The following CBLB variants were observed in gnomAD, a reference collection of about 807,000 sequenced individuals.
The protein encoded by CBLB is Cbl proto-oncogene B, also known as E3 ubiquitin-protein ligase CBL-B.
In CBLB, 31 loss-of-function variants were observed where a neutral mutation model predicts 104.9. The observed-to-expected ratio is 0.30, with a 90% CI of 0.22 to 0.40. The LOEUF (loss-of-function observed/expected upper bound fraction) is 0.40. Ranked by LOEUF, CBLB falls within the 10% of genes least tolerant of loss-of-function variation. CBLB has a pLI of 1.00. For synonymous variants in CBLB, 440 were observed against 422.6 expected (o/e 1.04, Z -0.51); for missense variants, 1,062 against 1,214.6 (o/e 0.87, Z 1.87).
chr3:105,672,638 C>A (rs1381896143), intron 17 of CBLB: 1 of 152,516 alleles, frequency 6.6e-6, no homozygotes, highest in Non-Finnish European at 1.5e-5. Flanking sequence ...ATGATCACAG[C>A]CAATTTATCA....
chr3:105,834,745 A>C (rs1417763244), intron 3 of CBLB, among the ~76,000 whole-genome samples: 1 of 152,184 alleles, frequency 6.6e-6, no homozygotes, highest in Non-Finnish European at 1.5e-5. Flanking sequence ...AAATGAACTC[A>C]AGTATTCAGA....
At chr3:105,674,465 A>G (rs1266574625) in intron 17 of CBLB, among the ~76,000 whole-genome samples, 1 of 152,270 alleles carries the variant, frequency 6.6e-6, no homozygotes, top group Non-Finnish European at 1.5e-5. Context: ...AGATTAGATA[A>G]GATCTTCAAG....
chr3:105,792,531 G>A (rs1467526354), intron 3 of CBLB, among the ~76,000 whole-genome samples: 1 of 152,294 alleles, frequency 6.6e-6, no homozygotes, highest in East Asian at 1.9e-4. Flanking sequence ...CTGGGACAGC[G>A]TGTACTTTTC....
intron 18 of CBLB, among the ~76,000 whole-genome samples, chr3:105,660,428 G>A (rs1370774780): frequency 6.6e-6 from 1 of 151,786 alleles, no homozygotes; most frequent in Admixed American, 6.6e-5. Flanking sequence ...CTGACCTCAA[G>A]TGATCCACCC....
At chr3:105,752,516 T>C (rs982901105) in intron 4 of CBLB, among the ~76,000 whole-genome samples, 4 of 152,178 alleles carry the variant, frequency 2.6e-5, no homozygotes, top group African/African-American at 4.8e-5. Flanking sequence ...AAACTACAAT[T>C]TTTACAACAG....
chr3:105,743,937 G>C (rs893528230), intron 6 of CBLB, among the ~76,000 whole-genome samples: 2 of 151,904 alleles, frequency 1.3e-5, no homozygotes, highest in Non-Finnish European at 2.9e-5. Context: ...AAGTTAGGAA[G>C]GAAAGAAGGA....
chr3:105,792,713 A>G (rs2081820887), intron 3 of CBLB, among the ~76,000 whole-genome samples: 1 of 152,170 alleles, frequency 6.6e-6, no homozygotes, highest in Admixed American at 6.5e-5. Context: ...AAGAAATGGA[A>G]GAGGACCAGG....
At chr3:105,728,862 G>C (rs1004075015) in intron 9 of CBLB, among the ~76,000 whole-genome samples, 1 of 152,116 alleles carries the variant, frequency 6.6e-6, no homozygotes, top group Non-Finnish European at 1.5e-5. Context: ...CAATTAAAGA[G>C]TAACCACTTG....
chr3:105,726,214 T>G (rs1215176310), intron 9 of CBLB, among the ~76,000 whole-genome samples: 2 of 152,176 alleles, frequency 1.3e-5, no homozygotes, highest in Non-Finnish European at 2.9e-5. Context: ...CTCAGACAAC[T>G]ATATACATTT....
At chr3:105,695,666 T>C (rs1183965090) in intron 12 of CBLB, among the ~76,000 whole-genome samples, 1 of 151,872 alleles carries the variant, frequency 6.6e-6, no homozygotes, top group Non-Finnish European at 1.5e-5. Context: ...ATACCATTTG[T>C]TACTGATGTA....
In CBLB at chr3:105,678,585, A is replaced by C. The variant is rs1432200019; in HGVS notation, c.2429-14T>G. ...AAGCATCTTCACCTGCATTTAAAGA[A>C]AGGTCGATATCAGCAGCAGAACTTC... On this transcript the variant is annotated splice_polypyrimidine_tract_variant and intron_variant, in intron 16 of 18. Coordinates refer to ENST00000394030, the MANE Select transcript of CBLB (RefSeq NM_170662.5). 1.2e-6 allele frequency: 2 copies of C among 1,611,102 alleles called. No individual in the cohort carries two copies. Among genetic ancestry groups the C allele is most frequent in the Non-Finnish European group, 1.7e-6 (2 of 1,178,268 alleles).
chr3:105,700,712 A>G (rs1455368027), intron 12 of CBLB, among the ~76,000 whole-genome samples: 3 of 152,226 alleles, frequency 2.0e-5, no homozygotes, highest in African/African-American at 7.2e-5. Context: ...AGTCACCAGC[A>G]AAGAGTCAAA....
At chr3:105,701,830 A>T (rs140125885) in intron 12 of CBLB, among the ~76,000 whole-genome samples, 1 of 152,232 alleles carries the variant, frequency 6.6e-6, no homozygotes, top group East Asian at 1.9e-4. Flanking sequence ...ATTTTTGGCA[A>T]ATGAAATACG....
chr3:105,849,822 A>G (rs2090724949), intron 3 of CBLB, among the ~76,000 whole-genome samples: 1 of 152,118 alleles, frequency 6.6e-6, no homozygotes, highest in Non-Finnish European at 1.5e-5. Flanking sequence ...CAAAACTACT[A>G]AATTTGAAAA....
chr3:105,753,945 A>C (rs1410795021), intron 4 of CBLB, among the ~76,000 whole-genome samples: 1 of 152,176 alleles, frequency 6.6e-6, no homozygotes, highest in African/African-American at 2.4e-5. Flanking sequence ...GTGTAAATGA[A>C]ACTTTGTCAG....
chr3:105,789,529 T>C (rs979234444), intron 3 of CBLB, among the ~76,000 whole-genome samples: 2 of 152,170 alleles, frequency 1.3e-5, no homozygotes, highest in African/African-American at 4.8e-5. Flanking sequence ...TTTACTTAGA[T>C]AACCACACAA....
At position 105,704,012 on chromosome 3, in the gene CBLB, A is replaced by C; in HGVS notation, c.1569T>G (p.Cys523Trp). ...CCTTTGGTGAACCCGTTGGGCTGCC[A>C]CAGGGAGATCTAACTATGCCTTTCT... ...LIQKGIVRSP[C>W]GSPTGSPKSS... Residue 523 changes from cysteine (C) to tryptophan (W), a missense_variant, in exon 11 of 19, where the codon TGT (cysteine) becomes TGG (tryptophan). Physicochemically the swap from Cys to Trp is radical, Grantham distance 215 (BLOSUM62 -2). This residue lies in a region of CBLB where 605 missense variants were observed against 582.6 expected (regional missense o/e 1.04). Transcript: ENST00000394030. The C allele has an allele frequency of 6.2e-7, 1 of 1,614,166 alleles. No homozygotes were observed. Among genetic ancestry groups the C allele is most frequent in the Non-Finnish European group, 8.5e-7 (1 of 1,179,982 alleles).
chr3:105,737,465 T>C (rs2075073675), intron 7 of CBLB, among the ~76,000 whole-genome samples: 1 of 152,130 alleles, frequency 6.6e-6, no homozygotes, highest in Non-Finnish European at 1.5e-5. Flanking sequence ...AAGAAATACA[T>C]AATGAATATA....
intron 13 of CBLB, among the ~76,000 whole-genome samples, chr3:105,692,056 T>C (rs1016611872): frequency 2.4e-4 from 36 of 152,286 alleles, no homozygotes; most frequent in African/African-American, 8.4e-4. Context: ...TGTAAATTTC[T>C]GGGGGGCTGG....
Sources: allele counts gnomAD v4.1 joint callset (sites outside exome capture counted in the v4.1 genomes callset), GRCh38; gene constraint gnomAD v4.1.1; regional missense constraint gnomAD v4.1.1; transcripts MANE v1.5; gene names NCBI Gene and HGNC (gene_info 2026-07-23, HGNC 2026-07-21).